Variants in ELAPOR2 observed in about 807,000 individuals in gnomAD.
ELAPOR2 encodes endosome-lysosome associated apoptosis and autophagy regulator family member 2.
In ELAPOR2, 89 loss-of-function variants were observed where a neutral mutation model predicts 120.7. The observed-to-expected ratio is 0.74, with a 90% confidence interval of 0.62 to 0.88. ELAPOR2 has a LOEUF of 0.88. Ranked by LOEUF, ELAPOR2 falls within the 40% of genes least tolerant of loss-of-function variation. The pLI is 0.00. For missense variants in ELAPOR2, 1,134 were observed against 1,251.6 expected, an observed-to-expected ratio of 0.91 and a Z score of 1.42; for synonymous variants, 444 against 444.9, an observed-to-expected ratio of 1.00 and a Z score of 0.03.
At chr7:86,978,295 C>T (rs753808581) in intron 1 of ELAPOR2, among the ~76,000 whole-genome samples, 1 of 152,210 alleles carries the variant, frequency 6.6e-6, no homozygotes, top group African/African-American at 2.4e-5. Context: ...ATCAATTAAA[C>T]CTTTTTCCTT....
chr7:86,968,117 A>G (rs1176138757), intron 1 of ELAPOR2, among the ~76,000 whole-genome samples: 1 of 152,208 alleles, frequency 6.6e-6, no homozygotes, highest in East Asian at 1.9e-4. Flanking sequence ...TGCGAAAGGT[A>G]CGATGTATAT....
At chr7:86,929,478 A>T (rs566975763) in intron 8 of ELAPOR2, among the ~76,000 whole-genome samples, 2 of 152,056 alleles carry the variant, frequency 1.3e-5, no homozygotes, top group East Asian at 3.9e-4. Flanking sequence ...TTCCAGTTGC[A>T]AGCCACTGGG....
chr7:86,917,846 C>A (rs1789636433), intron 12 of ELAPOR2, among the ~76,000 whole-genome samples: 1 of 152,058 alleles, frequency 6.6e-6, no homozygotes, highest in Admixed American at 6.6e-5. Context: ...TGTGAAGTAA[C>A]TATTTAATTG....
chr7:86,918,431 C>T lies in ELAPOR2; in HGVS notation c.1593+11G>A, dbSNP rs375970065. On this transcript the variant is annotated intron_variant, in intron 12 of 21. Transcript: ENST00000450689. Reference sequence around the variant, plus strand: ...TAGAAATCTGCCTTTGAAAGCCGCCCGTCCACTTACCACCATGAAGTACAA... The same window carrying T: ...TAGAAATCTGCCTTTGAAAGCCGCCTGTCCACTTACCACCATGAAGTACAA... The T allele has an allele frequency of 2.1e-5, 33 of 1,574,338 alleles. No homozygotes were observed. Among genetic ancestry groups the T allele is most frequent in the South Asian group, 4.5e-5 (4 of 89,214 alleles).
chr7:86,965,938 T>G, intron 1 of ELAPOR2: 1 of 985,412 alleles, frequency 1.0e-6, no homozygotes, highest in Non-Finnish European at 1.2e-6. Flanking sequence ...ACATCAGGAA[T>G]GAGAAGGCCA....
intron 1 of ELAPOR2, among the ~76,000 whole-genome samples, chr7:87,038,466 T>A (rs1441222932): frequency 1.3e-5 from 2 of 151,894 alleles, no homozygotes; most frequent in African/African-American, 4.8e-5. Flanking sequence ...TCACAAAAAG[T>A]GAAATACAAA....
At chr7:86,941,911 T>C (rs112927691) in intron 5 of ELAPOR2, 107 bp downstream of exon 5, 3 of 633,314 alleles carry the variant, frequency 4.7e-6, no homozygotes, top group African/African-American at 1.9e-5. Flanking sequence ...AATATACTTT[T>C]CTTAAAACGT....
intron 1 of ELAPOR2, among the ~76,000 whole-genome samples, chr7:87,008,058 C>A (rs886290381): frequency 2.0e-5 from 3 of 152,058 alleles, no homozygotes; most frequent in African/African-American, 7.2e-5. Flanking sequence ...TATTACAAAG[C>A]GAAATCAGTA....
intron 1 of ELAPOR2, among the ~76,000 whole-genome samples, chr7:86,975,288 AGT>A (rs1792246547): frequency 6.6e-6 from 1 of 152,246 alleles, no homozygotes; most frequent in South Asian, 2.1e-4. Flanking sequence ...GTACAGAAAT[AGT>A]ATAAGTGATA....
At chr7:87,032,979 GA>G (rs1055038219) in intron 1 of ELAPOR2, among the ~76,000 whole-genome samples, 1 of 152,076 alleles carries the variant, frequency 6.6e-6, no homozygotes, top group Non-Finnish European at 1.5e-5. Context: ...TCTCTACCTT[GA>G]AAAAAAGAAA....
At position 86,893,034 on chromosome 7, in the gene ELAPOR2, A is replaced by G; in HGVS notation, c.2752T>C (p.Leu918=). The G allele has an allele frequency of 1.3e-6, 2 of 1,586,876 alleles. No individual in the cohort carries two copies. Among genetic ancestry groups the G allele is most frequent in the Non-Finnish European group, 1.7e-6 (2 of 1,170,142 alleles). ...AAGTCAACCGTTTCACAGGTTGCCA[A>G]CTTTTTCTCAGGCAAAGAAATTCCT... is the stretch of plus-strand genomic sequence containing the variant. ...IKGISLPEKK[L]ATCETVDFWL... is the part of the protein sequence containing the mutation. The change falls in exon 20 of 22, where the codon TTG becomes CTG. Residue 918 remains leucine (L), a synonymous_variant. Transcript: ENST00000450689.
intron 2 of ELAPOR2, among the ~76,000 whole-genome samples, chr7:86,951,866 C>T (rs752931649): frequency 2.6e-5 from 4 of 152,134 alleles, no homozygotes; most frequent in Non-Finnish European, 5.9e-5. Context: ...TAACTCATGC[C>T]TGAATAAAGC....
At chr7:87,004,959 A>G (rs933777029) in intron 1 of ELAPOR2, among the ~76,000 whole-genome samples, 6 of 152,108 alleles carry the variant, frequency 3.9e-5, no homozygotes, top group Admixed American at 3.3e-4. Context: ...CAGAGCTACC[A>G]ATAATGAGAT....
chr7:86,924,324 C>T (rs1789959088), intron 10 of ELAPOR2, among the ~76,000 whole-genome samples: 1 of 150,786 alleles, frequency 6.6e-6, no homozygotes, highest in Non-Finnish European at 1.5e-5. Flanking sequence ...ATGAATAAGT[C>T]CTCTATAAGA....
At chr7:86,957,567 T>C (rs1032572933) in intron 2 of ELAPOR2, among the ~76,000 whole-genome samples, 1 of 152,192 alleles carries the variant, frequency 6.6e-6, no homozygotes. Flanking sequence ...ATATATCAAG[T>C]ACCAAACAAT....
intron 21 of ELAPOR2, among the ~76,000 whole-genome samples, chr7:86,888,786 T>C (rs1584306917): frequency 6.6e-6 from 1 of 151,998 alleles, no homozygotes; most frequent in African/African-American, 2.4e-5. Context: ...ATGAGGTGAA[T>C]TGGAAACCCT....
chr7:86,945,835 G>C (rs370728500), intron 3 of ELAPOR2, among the ~76,000 whole-genome samples: 3 of 151,950 alleles, frequency 2.0e-5, no homozygotes, highest in East Asian at 3.8e-4. Flanking sequence ...TTAAACTTCT[G>C]CTTATCAAAG....
intron 8 of ELAPOR2, among the ~76,000 whole-genome samples, chr7:86,937,028 A>G (rs1204738263): frequency 6.6e-6 from 1 of 152,064 alleles, no homozygotes; most frequent in Non-Finnish European, 1.5e-5. Context: ...TTACTTTTCA[A>G]TTCACCTTAA....
chr7:86,929,319 A>G (rs1177268111), intron 8 of ELAPOR2, among the ~76,000 whole-genome samples: 1 of 151,958 alleles, frequency 6.6e-6, no homozygotes, highest in Non-Finnish European at 1.5e-5. Flanking sequence ...AAATTGGCTC[A>G]ACTCATCAGG....
Sources: gnomAD v4.1 joint callset for allele counts (sites outside exome capture counted in the v4.1 genomes callset) on GRCh38, gnomAD v4.1.1 for gene constraint, MANE v1.5 for transcripts, NCBI Gene and HGNC (gene_info 2026-07-23, HGNC 2026-07-21) for gene names.